RPS6KA5: variants seen among roughly 807,000 people sequenced by gnomAD.
The protein encoded by RPS6KA5 is ribosomal protein S6 kinase alpha-5.
In RPS6KA5, 27 loss-of-function variants were observed where a neutral mutation model predicts 85.5. The ratio of observed to expected loss-of-function variants is 0.32; its 90% CI spans 0.23 to 0.44. RPS6KA5 has a LOEUF of 0.44. Ranked by LOEUF, RPS6KA5 falls within the 20% of genes least tolerant of loss-of-function variation. The probability of loss-of-function intolerance (pLI) is 1.00; values close to 1 mark genes in which losing one functional copy is unlikely to be tolerated. For synonymous variants in RPS6KA5, 334 were observed against 348.2 expected (o/e 0.96, Z 0.46); for missense variants, 811 against 980.9 (o/e 0.83, Z 2.31).
At chr14:91,028,675 C>T (rs762975084) in intron 1 of RPS6KA5, among the ~76,000 whole-genome samples, 22 of 152,008 alleles carry the variant, frequency 1.4e-4, no homozygotes, top group Non-Finnish European at 3.1e-4. Flanking sequence ...CCCACCACCG[C>T]GCCCTGCTAA....
intron 3 of RPS6KA5, among the ~76,000 whole-genome samples, chr14:90,976,806 T>A (rs948887781): frequency 2.0e-5 from 3 of 152,208 alleles, no homozygotes; most frequent in Non-Finnish European, 4.4e-5. Flanking sequence ...TAATTGATGG[T>A]AAGCATTGCA....
At chr14:90,922,952 AT>A (rs1371977347) in intron 6 of RPS6KA5, among the ~76,000 whole-genome samples, 160 bp downstream of exon 6, 2 of 152,204 alleles carry the variant, frequency 1.3e-5, no homozygotes, top group African/African-American at 2.4e-5. Flanking sequence ...ACTAGATATC[AT>A]AATGTGTTCA....
intron 1 of RPS6KA5, among the ~76,000 whole-genome samples, chr14:91,040,861 TC>T (rs1182401341): frequency 6.6e-6 from 1 of 152,168 alleles, no homozygotes; most frequent in Non-Finnish European, 1.5e-5. Flanking sequence ...CTGAGACATT[TC>T]CACCAGATTA....
In RPS6KA5 at chr14:90,900,016, A is replaced by G. The variant is rs2035075335; in HGVS notation, c.1379+92T>C. On this transcript the variant is annotated intron_variant, in intron 11 of 16. Coordinates refer to ENST00000614987, the MANE Select transcript of RPS6KA5 (RefSeq NM_004755.4). Reference sequence around the variant, plus strand: ...AACCTTTGGGTAAGAAAGTCTTACAATATAATACTGGTTTCAATTAAAATA... The same window carrying G: ...AACCTTTGGGTAAGAAAGTCTTACAGTATAATACTGGTTTCAATTAAAATA... 2.4e-5 allele frequency: 28 copies of G among 1,144,662 alleles called. 1 individual carries two copies. In the South Asian group the frequency reaches 4.7e-4, roughly 19 times the overall value. 70.9% of individuals were successfully genotyped at this position (1,144,662 alleles called of 1,614,324 possible). A position where few individuals can be genotyped will look rare whatever the true frequency, so the allele number is the denominator to read the frequency against.
intron 14 of RPS6KA5, among the ~76,000 whole-genome samples, chr14:90,881,604 G>A (rs1380854028): frequency 1.3e-5 from 2 of 152,028 alleles, no homozygotes; most frequent in African/African-American, 2.4e-5. Context: ...GGGTTCAAGC[G>A]ATTCTCCTGC....
rs1271717044 is a variant in RPS6KA5 at position 90,857,657 on chromosome 14, T to A, written c.*14417A>T. On this transcript the variant is annotated 3_prime_UTR_variant, in exon 17 of 17. Transcript: ENST00000614987. ...GTGAACTGCATTAAGCTCTACAGAG[T>A]TTTTTCAAAAGGCTAAAAATATTTA... is the stretch of plus-strand genomic sequence containing the variant. 6.6e-6 allele frequency: 1 copy of A among 151,776 alleles called. No individual in the cohort carries two copies. The highest frequency in any genetic ancestry group is 6.6e-5 in the Admixed American group (1 of 15,220). The allele number at this position is 151,776 out of a possible 1,614,324, so 9.4% of individuals were successfully genotyped here.
chr14:90,935,214 C>A (rs772554091), intron 5 of RPS6KA5, among the ~76,000 whole-genome samples: 3 of 152,112 alleles, frequency 2.0e-5, no homozygotes, highest in Non-Finnish European at 4.4e-5. Flanking sequence ...TCTTGAGATA[C>A]GTACATTATA....
At chr14:91,040,004 T>G (rs1862033444) in intron 1 of RPS6KA5, among the ~76,000 whole-genome samples, 1 of 152,216 alleles carries the variant, frequency 6.6e-6, no homozygotes, top group Non-Finnish European at 1.5e-5. Flanking sequence ...GAGTTATAAC[T>G]GACACAACTA....
In RPS6KA5 at chr14:91,055,230, A is replaced by C. The variant is rs147589449; in HGVS notation, c.103+5102T>G. Among the ~76,000 whole-genome samples, 284 of 152,358 alleles carry C rather than the reference A, an allele frequency of 1.9e-3. 1 individual carries two copies. The highest frequency in any genetic ancestry group is 6.2e-3 in the African/African-American group (257 of 41,580). ...GGCAGTTTCTTACAAAGGTAAACCC[A>C]GACTTTGTTTAGCTTTGTTTTAACA... On this transcript the variant is annotated intron_variant, in intron 1 of 16. Coordinates refer to ENST00000614987, the MANE Select transcript of RPS6KA5 (RefSeq NM_004755.4).
chr14:91,003,247 C>T (rs566931043), intron 1 of RPS6KA5, among the ~76,000 whole-genome samples: 116 of 151,938 alleles, frequency 7.6e-4, no homozygotes, highest in African/African-American at 2.5e-3. Flanking sequence ...TAGATTATAT[C>T]TATATTTATA....
chr14:90,951,713 G>A (rs2038199020), intron 3 of RPS6KA5, among the ~76,000 whole-genome samples: 1 of 152,086 alleles, frequency 6.6e-6, no homozygotes, highest in African/African-American at 2.4e-5. Flanking sequence ...GGAGGACAAG[G>A]ATCATCATCC....
At chr14:91,028,853 C>T (rs1376695256) in intron 1 of RPS6KA5, among the ~76,000 whole-genome samples, 1 of 152,204 alleles carries the variant, frequency 6.6e-6, no homozygotes, top group Non-Finnish European at 1.5e-5. Flanking sequence ...TATACACGCA[C>T]ATGGGTTTAC....
At chr14:90,959,151 G>A (rs1327284313) in intron 3 of RPS6KA5, among the ~76,000 whole-genome samples, 1 of 152,146 alleles carries the variant, frequency 6.6e-6, no homozygotes, top group Non-Finnish European at 1.5e-5. Context: ...CTGAATTAGG[G>A]GGGTGGGGCA....
chr14:90,966,409 G>A (rs889009074), intron 3 of RPS6KA5, among the ~76,000 whole-genome samples: 1 of 152,168 alleles, frequency 6.6e-6, no homozygotes, highest in South Asian at 2.1e-4. Flanking sequence ...GTTACTCATA[G>A]AATACTAACC....
rs146348032 is a variant in RPS6KA5, at chr14:91,038,401, A to G, written c.103+21931T>C. Among the ~76,000 whole-genome samples the G allele has an allele frequency of 1.5e-3, 222 of 152,372 alleles. 1 individual carries two copies. Among genetic ancestry groups the G allele is most frequent in the African/African-American group, 4.7e-3 (195 of 41,592 alleles). Reference sequence around the variant, plus strand: ...TTCCACATCTGGAGTTGTAAAGGAAAGAGTAATACAAAATAGAAAAAAGTA... The same window carrying G: ...TTCCACATCTGGAGTTGTAAAGGAAGGAGTAATACAAAATAGAAAAAAGTA... On this transcript the variant is annotated intron_variant, in intron 1 of 16. Coordinates refer to ENST00000614987, the MANE Select transcript of RPS6KA5 (RefSeq NM_004755.4).
At chr14:91,009,043 C>G (rs1004700311) in intron 1 of RPS6KA5, among the ~76,000 whole-genome samples, 1 of 152,248 alleles carries the variant, frequency 6.6e-6, no homozygotes, top group African/African-American at 2.4e-5. Flanking sequence ...ACAAAAGGCA[C>G]AGGACAGGGT....
chr14:90,973,857 G>A (rs2039434541), intron 3 of RPS6KA5, among the ~76,000 whole-genome samples: 1 of 151,938 alleles, frequency 6.6e-6, no homozygotes, highest in South Asian at 2.1e-4. Context: ...GGCCAACACA[G>A]TGAAACCCCG....
At chr14:91,045,221 C>T (rs2139915431) in intron 1 of RPS6KA5, among the ~76,000 whole-genome samples, 1 of 150,382 alleles carries the variant, frequency 6.6e-6, no homozygotes, top group East Asian at 2.0e-4. Flanking sequence ...GTTCCAGCCA[C>T]AAAACCCCAT....
chr14:90,947,027 T>C (rs2037907791), intron 4 of RPS6KA5, among the ~76,000 whole-genome samples: 1 of 152,154 alleles, frequency 6.6e-6, no homozygotes, highest in African/African-American at 2.4e-5. Context: ...ACTCTTACTC[T>C]CCAACCTCAT....
Sources: gnomAD v4.1 joint callset for allele counts (sites outside exome capture counted in the v4.1 genomes callset) on GRCh38, gnomAD v4.1.1 for gene constraint, MANE v1.5 for transcripts, NCBI Gene and HGNC (gene_info 2026-07-23, HGNC 2026-07-21) for gene names.